The following ACYP2 variants were observed in gnomAD, a reference collection of about 807,000 sequenced individuals.
The protein encoded by ACYP2 is acylphosphatase 2.
ACYP2 carries 12 observed loss-of-function variants against 11.2 expected under a neutral mutation model. The ratio of observed to expected loss-of-function variants is 1.08; its 90% CI spans 0.69 to 1.74. The LOEUF (loss-of-function observed/expected upper bound fraction) is 1.74, where lower values mean the gene tolerates loss of function less well. Among genes scored for constraint, ACYP2 ranks in the 40% most tolerant of loss-of-function variants. The pLI is 0.00. For synonymous variants in ACYP2, 43 were observed against 32.2 expected, an observed-to-expected ratio of 1.33 and a Z score of -1.13; for missense variants, 134 against 101.9, an observed-to-expected ratio of 1.31 and a Z score of -1.35.
intron 2 of ACYP2, among the ~76,000 whole-genome samples, chr2:54,005,388 G>A (rs1673012068): frequency 6.7e-6 from 1 of 148,218 alleles, no homozygotes; most frequent in African/African-American, 2.5e-5. Context: ...TTCCCAGGCT[G>A]GAGTGTAAGG....
chr2:54,131,692 G>T (rs185678234), intron 4 of ACYP2, among the ~76,000 whole-genome samples: 3 of 152,302 alleles, frequency 2.0e-5, no homozygotes, highest in East Asian at 3.9e-4. Context: ...GCGTGCATCA[G>T]ATCTGTGGTA....
intron 6 of ACYP2, chr2:54,256,122 G>A (rs765602478): frequency 1.1e-5 from 18 of 1,613,770 alleles, no homozygotes; most frequent in East Asian, 2.2e-5. Flanking sequence ...CGAGAGTAGC[G>A]GGGCTGTGAG....
chr2:54,124,785 C>G (rs1680375157), intron 4 of ACYP2, among the ~76,000 whole-genome samples: 1 of 152,208 alleles, frequency 6.6e-6, no homozygotes. Flanking sequence ...ACTGCAATCT[C>G]GACCTCACAG....
chr2:53,980,244 C>G (rs965063530), intron 2 of ACYP2, among the ~76,000 whole-genome samples: 3 of 151,974 alleles, frequency 2.0e-5, no homozygotes, highest in African/African-American at 4.8e-5. Flanking sequence ...TCCCAGCTAC[C>G]TGGGAGGCTG....
intron 2 of ACYP2, among the ~76,000 whole-genome samples, chr2:54,046,112 G>C (rs1377679085): frequency 7.0e-6 from 1 of 142,686 alleles, no homozygotes. Flanking sequence ...AGAGGTTGCA[G>C]TGAGCAGTGA....
At chr2:54,234,574 A>T (rs1572971095) in intron 6 of ACYP2, among the ~76,000 whole-genome samples, 2 of 152,362 alleles carry the variant, frequency 1.3e-5, no homozygotes, top group Non-Finnish European at 2.9e-5. Flanking sequence ...GCTCAACTTT[A>T]ATTTTTCAGT....
intron 6 of ACYP2, chr2:54,255,463 A>C (rs1481318827): frequency 3.1e-6 from 5 of 1,613,920 alleles, no homozygotes; most frequent in Middle Eastern, 1.7e-4. Flanking sequence ...AATCTGCCCA[A>C]ACCTGCGCTC....
intron 2 of ACYP2, among the ~76,000 whole-genome samples, chr2:54,016,715 C>T (rs2112123): frequency 6.8e-6 from 1 of 147,420 alleles, no homozygotes; most frequent in South Asian, 2.1e-4. Context: ...AAGGCACCTG[C>T]CTTCAGTGTC....
intron 4 of ACYP2, among the ~76,000 whole-genome samples, chr2:54,107,505 C>T (rs1384046674): frequency 6.6e-6 from 1 of 152,108 alleles, no homozygotes; most frequent in African/African-American, 2.4e-5. Context: ...TTGTTCTATT[C>T]CTGTTGTGAA....
At chr2:54,199,642 G>A (rs114435667) in intron 6 of ACYP2, among the ~76,000 whole-genome samples, 2,783 of 152,318 alleles carry the variant, frequency 0.018, 74 homozygotes, top group African/African-American at 0.064. Context: ...AGAAATCGAG[G>A]ATGACTTACT....
intron 2 of ACYP2, among the ~76,000 whole-genome samples, chr2:53,993,639 G>A (rs1291626151): frequency 6.6e-6 from 1 of 151,548 alleles, no homozygotes; most frequent in African/African-American, 2.4e-5. Context: ...AGAGGATGCA[G>A]TAAGCCAAGA....
intron 2 of ACYP2, among the ~76,000 whole-genome samples, chr2:54,037,890 ATTCT>A (rs1674996744): frequency 1.3e-5 from 2 of 152,306 alleles, no homozygotes; most frequent in South Asian, 2.1e-4. Flanking sequence ...AAACTTGGAA[ATTCT>A]TTCAGGAATG....
intron 2 of ACYP2, among the ~76,000 whole-genome samples, chr2:53,998,606 G>C (rs1272798819): frequency 2.0e-5 from 3 of 152,026 alleles, no homozygotes; most frequent in African/African-American, 7.2e-5. Flanking sequence ...TTTGAGCCCA[G>C]GGGTTCAAGA....
At chr2:54,209,083 C>T (rs1400534168) in intron 6 of ACYP2, among the ~76,000 whole-genome samples, 1 of 147,720 alleles carries the variant, frequency 6.8e-6, no homozygotes, top group African/African-American at 2.5e-5. Context: ...TTGCTGGCTT[C>T]TCAGTTAGTA....
chr2:54,186,036 G>A (rs1280738540), intron 6 of ACYP2, among the ~76,000 whole-genome samples: 4 of 151,932 alleles, frequency 2.6e-5, no homozygotes, highest in African/African-American at 7.2e-5. Context: ...TAGCTCACAA[G>A]AGAAGAAAAA....
At chr2:54,155,737 G>A (rs916452439) in intron 6 of ACYP2, among the ~76,000 whole-genome samples, 1 of 152,150 alleles carries the variant, frequency 6.6e-6, no homozygotes, top group South Asian at 2.1e-4. Flanking sequence ...TGCTTTTGCT[G>A]CATCCCATAA....
intron 2 of ACYP2, among the ~76,000 whole-genome samples, chr2:54,041,686 G>A (rs1391249362): frequency 3.3e-5 from 5 of 152,178 alleles, no homozygotes; most frequent in East Asian, 1.9e-4. Flanking sequence ...TGTCAGAGGC[G>A]GCAAGGGAGC....
chr2:54,065,502 C>T (rs1294176389), intron 4 of ACYP2: 1 of 398,476 alleles, frequency 2.5e-6, no homozygotes. Context: ...GCTTGGCTAT[C>T]CCTGATCAGG....
intron 2 of ACYP2, among the ~76,000 whole-genome samples, chr2:54,009,022 G>A (rs1015772788): frequency 6.6e-6 from 1 of 151,708 alleles, no homozygotes; most frequent in African/African-American, 2.4e-5. Flanking sequence ...GAGTGGTGGC[G>A]GGCACCTGTA....
Sources: gnomAD v4.1 joint callset for allele counts (sites outside exome capture counted in the v4.1 genomes callset) on GRCh38, gnomAD v4.1.1 for gene constraint, MANE v1.5 for transcripts, NCBI Gene and HGNC (gene_info 2026-07-23, HGNC 2026-07-21) for gene names.